CHRNA7: variants seen among roughly 807,000 people sequenced by gnomAD.
The protein encoded by CHRNA7 is cholinergic receptor nicotinic alpha 7 subunit.
Under a neutral mutation model 48.0 loss-of-function variants are expected in CHRNA7, and 17 were observed. That is an observed-to-expected ratio of 0.35 (90% confidence interval 0.24 to 0.53). The LOEUF (loss-of-function observed/expected upper bound fraction) is 0.53. Among genes scored for constraint, CHRNA7 ranks in the 20% least tolerant of loss-of-function variants. CHRNA7 has a pLI of 0.92. For synonymous variants in CHRNA7, 75 were observed against 242.3 expected, an observed-to-expected ratio of 0.31 and a Z score of 6.41; for missense variants, 155 against 577.7, an observed-to-expected ratio of 0.27 and a Z score of 7.50.
chr15:32,150,450 A>G (rs1404179570), intron 4 of CHRNA7, among the ~76,000 whole-genome samples: 3 of 152,204 alleles, frequency 2.0e-5, no homozygotes, highest in East Asian at 3.8e-4. Flanking sequence ...ATGTAATTGG[A>G]GGGACAGACT....
In CHRNA7 at chr15:32,149,552, G is replaced by A. The variant is rs958292200; in HGVS notation, c.351-4355G>A. On this transcript the variant is annotated intron_variant, in intron 4 of 9. Coordinates refer to ENST00000306901, the MANE Select transcript of CHRNA7 (RefSeq NM_000746.6). The surrounding 1 kb of genome is among the most constrained non-coding windows in gnomAD (Gnocchi z 4.6). ...GCTCAAAACAGATAAAGTAGTATTA[G>A]CACAAATCCATTACAAGAGTTTACT... Among the ~76,000 whole-genome samples, 2 of 152,130 alleles carry A rather than the reference G, an allele frequency of 1.3e-5. No homozygotes were observed. The highest frequency in any genetic ancestry group is 4.8e-5 in the African/African-American group (2 of 41,420).
intron 4 of CHRNA7, among the ~76,000 whole-genome samples, chr15:32,113,316 G>A (rs1284613268): frequency 1.3e-5 from 2 of 152,094 alleles, no homozygotes; most frequent in Non-Finnish European, 2.9e-5. Flanking sequence ...TTAGAGTAGG[G>A]CCCCATGCTC....
chr15:32,087,850 T>C (rs2050323194), intron 2 of CHRNA7, among the ~76,000 whole-genome samples: 1 of 152,208 alleles, frequency 6.6e-6, no homozygotes, highest in South Asian at 2.1e-4. Flanking sequence ...AGCACCTTTT[T>C]CTCCCAGTCA....
chr15:32,068,177 T>G (rs909183481), intron 2 of CHRNA7, among the ~76,000 whole-genome samples: 7 of 152,048 alleles, frequency 4.6e-5, no homozygotes, highest in African/African-American at 1.7e-4. Context: ...GTAGGCATGG[T>G]GACTCACACC....
rs2051560757 is a variant in CHRNA7 at position 32,149,111 on chromosome 15, C to T, written c.351-4796C>T. ...GGCAGCCAGATAAAGGCAGCTCCTG[C>T]AAGGACGGAGAGGCCACAGGCCGGC... On this transcript the variant is annotated intron_variant, in intron 4 of 9. Transcript: ENST00000306901. The surrounding 1 kb of genome is among the most constrained non-coding windows in gnomAD (Gnocchi z 4.6). 6.6e-6 allele frequency among the ~76,000 whole-genome samples: 1 copy of T among 152,194 alleles called. No individual in the cohort carries two copies. The highest frequency in any genetic ancestry group is 1.5e-5 in the Non-Finnish European group (1 of 68,040).
intron 4 of CHRNA7, among the ~76,000 whole-genome samples, chr15:32,143,129 C>T (rs774585016): frequency 1.3e-5 from 2 of 152,168 alleles, no homozygotes; most frequent in African/African-American, 2.4e-5. Context: ...TGTCTTTGTT[C>T]TCATTGGTTT....
intron 4 of CHRNA7, among the ~76,000 whole-genome samples, chr15:32,116,334 T>A (rs1233914733): frequency 6.6e-6 from 1 of 152,216 alleles, no homozygotes; most frequent in African/African-American, 2.4e-5. Flanking sequence ...GCTGGGTCAC[T>A]GCAAAACAGC....
In CHRNA7 at chr15:32,049,890, T is replaced by A. The variant is rs544402528; in HGVS notation, c.195+18853T>A. Among the ~76,000 whole-genome samples the A allele has an allele frequency of 2.6e-5, 4 of 152,284 alleles. No individual in the cohort carries two copies. The East Asian group carries it at 7.7e-4, about 29-fold the overall frequency. On this transcript the variant is annotated intron_variant, in intron 2 of 9. Transcript: ENST00000306901. ...TTGCTTGTCTGTAAAGTATTTTATT[T>A]CTCCTTCACTTATGAAGCTTAGTTT... is the stretch of plus-strand genomic sequence containing the variant.
intron 2 of CHRNA7, among the ~76,000 whole-genome samples, chr15:32,089,259 A>G (rs1404248981): frequency 6.6e-6 from 1 of 151,650 alleles, no homozygotes; most frequent in Admixed American, 6.6e-5. Flanking sequence ...TGATTCAACT[A>G]TATATGTGTT....
intron 2 of CHRNA7, among the ~76,000 whole-genome samples, chr15:32,039,552 G>A (rs542626184): frequency 6.6e-6 from 1 of 151,952 alleles, no homozygotes; most frequent in Non-Finnish European, 1.5e-5. Context: ...TAATCTCCAC[G>A]TATTTTTGGA....
Position 32,163,363 on chromosome 15 carries a change from C to T in CHRNA7, c.990+28C>T, listed in dbSNP as rs745562266. On this transcript the variant is annotated intron_variant, in intron 9 of 9. Transcript: ENST00000306901. ...ACGTTCCTCCCACCCCCGATGGAGT[C>T]GGAGCCCCCCTGTAAAGGAGGCTCC... is the stretch of plus-strand genomic sequence containing the variant. 4.2e-5 allele frequency: 28 copies of T among 666,240 alleles called. 10 individuals are homozygous for T. In the African/African-American group the frequency reaches 7.8e-4, roughly 19 times the overall value. 41.3% of individuals were successfully genotyped at this position (666,240 alleles called of 1,614,324 possible).
At chr15:32,118,910 AGT>A (rs941120902) in intron 4 of CHRNA7, among the ~76,000 whole-genome samples, 7 of 151,838 alleles carry the variant, frequency 4.6e-5, no homozygotes, top group Admixed American at 2.6e-4. Flanking sequence ...TGTGATATCA[AGT>A]GGAGAGAGTG....
chr15:32,106,810 A>C (rs1480484399), intron 3 of CHRNA7, among the ~76,000 whole-genome samples: 1 of 152,184 alleles, frequency 6.6e-6, no homozygotes, highest in Non-Finnish European at 1.5e-5. Flanking sequence ...CCTAATTCTA[A>C]TTATGGTACT....
At position 32,038,056 on chromosome 15, in the gene CHRNA7, G is replaced by GTATATC. The variant is rs1555372371; in HGVS notation, c.195+7024_195+7025insCTATAT. ...TGTTAGCTATAGGTTTTTTGGATAT[G>GTATATC]TATATATATATATATAAATATACAT... is the stretch of plus-strand genomic sequence containing the variant. On this transcript the variant is annotated intron_variant, in intron 2 of 9. Coordinates refer to ENST00000306901, the MANE Select transcript of CHRNA7 (RefSeq NM_000746.6). Among the ~76,000 whole-genome samples, 7 of 144,210 alleles carry GTATATC rather than the reference G, an allele frequency of 4.9e-5. No homozygotes were observed. In the East Asian group the frequency reaches 1.4e-3, roughly 29 times the overall value. 94.6% of individuals were successfully genotyped at this position (144,210 alleles called of 152,430 possible).
Position 32,131,639 on chromosome 15 carries a change from G to C in CHRNA7, c.350+19740G>C, listed in dbSNP as rs80100185. 5.1e-3 allele frequency among the ~76,000 whole-genome samples: 771 copies of C among 152,210 alleles called. 4 individuals are homozygous for C. The highest frequency in any genetic ancestry group is 0.018 in the African/African-American group (735 of 41,520). Reference sequence around the variant, plus strand: ...ATTATGATTGAGGTTTTAAAATCCAGAGAATTCCAACTTTCTGAATTATCT... The same window carrying C: ...ATTATGATTGAGGTTTTAAAATCCACAGAATTCCAACTTTCTGAATTATCT... On this transcript the variant is annotated intron_variant, in intron 4 of 9. Transcript: ENST00000306901.
In CHRNA7 at chr15:32,103,581, C is replaced by A. The variant is rs571391364; in HGVS notation, c.240+2234C>A. 4.2e-4 allele frequency among the ~76,000 whole-genome samples: 64 copies of A among 152,278 alleles called. 1 individual carries two copies. The highest frequency in any genetic ancestry group is 1.5e-3 in the African/African-American group (64 of 41,544). ...ATTTAAAGCAGCATACTTCAGTGAG[C>A]ATATCCCTTGCCACCTACTCTAGCT... On this transcript the variant is annotated intron_variant, in intron 3 of 9. Transcript: ENST00000306901.
intron 5 of CHRNA7, among the ~76,000 whole-genome samples, chr15:32,154,775 C>A (rs1012523794): frequency 1.3e-4 from 18 of 140,404 alleles, no homozygotes; most frequent in Admixed American, 1.1e-3. Context: ...CACCTAACTA[C>A]CACTCACACA....
At chr15:32,124,599 T>C (rs1018186845) in intron 4 of CHRNA7, among the ~76,000 whole-genome samples, 2 of 152,178 alleles carry the variant, frequency 1.3e-5, no homozygotes, top group African/African-American at 4.8e-5. Context: ...TAAATATTAC[T>C]CAGAAGAAAA....
intron 2 of CHRNA7, among the ~76,000 whole-genome samples, chr15:32,063,081 T>C (rs2049905541): frequency 1.3e-5 from 2 of 152,138 alleles, no homozygotes; most frequent in African/African-American, 2.4e-5. Flanking sequence ...AAGAATGATA[T>C]ACATATACAG....
Sources: allele counts gnomAD v4.1 joint callset (sites outside exome capture counted in the v4.1 genomes callset), GRCh38; gene constraint gnomAD v4.1.1; non-coding constraint Gnocchi (gnomAD v3.1); transcripts MANE v1.5; gene names NCBI Gene and HGNC (gene_info 2026-07-23, HGNC 2026-07-21).